Variants in RERE observed in about 807,000 individuals in gnomAD.
RERE encodes arginine-glutamic acid dipeptide repeats.
RERE carries 40 observed loss-of-function variants against 146.1 expected under a neutral mutation model. That is an observed-to-expected ratio of 0.27 (90% CI 0.21 to 0.36). The LOEUF is 0.36. Among genes scored for constraint, RERE ranks in the 10% least tolerant of loss-of-function variants. RERE has a pLI of 1.00. For synonymous variants in RERE, 1,003 were observed against 866.0 expected, an observed-to-expected ratio of 1.16 and a Z score of -2.78; for missense variants, 1,933 against 2,138.7, an observed-to-expected ratio of 0.90 and a Z score of 1.90.
rs769287721 is a variant in RERE, at chr1:8,361,204, G to A, written c.2303C>T (p.Pro768Leu). ...CTGTGGGGGAACTGCAGTGGCAGAG[G>A]GCGTGGGCCCTGGCGTGGGCAGCTG... is the stretch of plus-strand genomic sequence containing the variant. The part of the protein sequence containing the change: ...TPQLPTPGPT[P>L]SATAVPPQGS... The change falls in exon 18 of 23, where the codon CCC (proline) becomes CTC (leucine). Residue 768 changes from proline (P) to leucine (L), a missense_variant. By Grantham distance (98) the Pro-to-Leu change is moderately conservative (BLOSUM62 -3). This residue lies in a region of RERE where 1,255 missense variants were observed against 1,153.8 expected (regional missense o/e 1.09). Transcript: ENST00000400908. 116 of 1,502,388 alleles carry A rather than the reference G, an allele frequency of 7.7e-5. 2 individuals are homozygous for A. In the South Asian group the frequency reaches 1.4e-3, roughly 19 times the overall value. The allele number at this position is 1,502,388 out of a possible 1,614,324, so 93.1% of individuals were successfully genotyped here.
chr1:8,801,847 C>A (rs549537915), intron 1 of RERE, among the ~76,000 whole-genome samples: 1 of 152,284 alleles, frequency 6.6e-6, no homozygotes, highest in South Asian at 2.1e-4. Context: ...AGGATGCGAA[C>A]CAAAGAGTCT....
intron 12 of RERE, among the ~76,000 whole-genome samples, chr1:8,403,720 T>G (rs1165746114): frequency 6.6e-6 from 1 of 152,062 alleles, no homozygotes; most frequent in African/African-American, 2.4e-5. Context: ...CATCTCATTT[T>G]TTCCTCCCAT....
intron 11 of RERE, among the ~76,000 whole-genome samples, chr1:8,461,214 T>G (rs1277795039): frequency 6.9e-6 from 1 of 144,980 alleles, no homozygotes; most frequent in Non-Finnish European, 1.5e-5. Flanking sequence ...TTTGTTTGGG[T>G]TTTTTTTTTT....
intron 4 of RERE, 23 bp from the exon 5 acceptor site, chr1:8,557,546 A>G: frequency 6.6e-7 from 1 of 1,508,154 alleles, no homozygotes; most frequent in South Asian, 1.1e-5. Context: ...ATCTAACAGC[A>G]TTAGGAACAG....
At position 8,488,074 on chromosome 1, in the gene RERE, AT is replaced by A. The variant is rs1410730085; in HGVS notation, c.1104+6988del. ...GAACAACATAGCAAGACCTCTTTAA[AT>A]TTTTTTTAATCAAAAAAAAAAAAAA... On this transcript the variant is annotated intron_variant, in intron 10 of 22. Transcript: ENST00000400908. Among the ~76,000 whole-genome samples, 42 of 119,588 alleles carry A rather than the reference AT, an allele frequency of 3.5e-4. No homozygotes were observed. In the South Asian group the frequency reaches 4.6e-3, roughly 13 times the overall value. 78.5% of individuals were successfully genotyped at this position (119,588 alleles called of 152,430 possible).
intron 11 of RERE, among the ~76,000 whole-genome samples, chr1:8,441,193 T>G (rs574171975): frequency 6.6e-6 from 1 of 152,290 alleles, no homozygotes; most frequent in African/African-American, 2.4e-5. Context: ...GTGGGTTTCC[T>G]TGACTCTCCC....
At chr1:8,501,405 A>G (rs1570350159) in intron 8 of RERE, among the ~76,000 whole-genome samples, 3 of 61,708 alleles carry the variant, frequency 4.9e-5, no homozygotes, top group Admixed American at 1.4e-4. Context: ...CCGCCCGGCC[A>G]GCCGCCCCGT....
rs1451403947 is a variant in RERE at position 8,474,379 on chromosome 1, T to C, written c.1105-8356A>G. Among the ~76,000 whole-genome samples, 6 of 152,218 alleles carry C rather than the reference T, an allele frequency of 3.9e-5. No individual in the cohort carries two copies. In the East Asian group the frequency reaches 1.2e-3, roughly 29 times the overall value. Reference sequence around the variant, plus strand: ...CATGGTTATAAAGCATGTTATTTTATAGAGCAAGGATGAGGCCTTAATTTT... The same window carrying C: ...CATGGTTATAAAGCATGTTATTTTACAGAGCAAGGATGAGGCCTTAATTTT... On this transcript the variant is annotated intron_variant, in intron 10 of 22. Transcript: ENST00000400908.
At chr1:8,787,529 T>TA (rs1256870176) in intron 1 of RERE, among the ~76,000 whole-genome samples, 10 of 151,766 alleles carry the variant, frequency 6.6e-5, no homozygotes, top group South Asian at 2.1e-4. Context: ...TACACACCTT[T>TA]AAAAAAAACA....
At chr1:8,500,856 G>A (rs1031497099) in intron 8 of RERE, among the ~76,000 whole-genome samples, 3 of 146,976 alleles carry the variant, frequency 2.0e-5, no homozygotes, top group Non-Finnish European at 4.4e-5. Flanking sequence ...CCTCTGCTGG[G>A]CCGCAACCCT....
intron 1 of RERE, among the ~76,000 whole-genome samples, chr1:8,794,694 C>T (rs1297290699): frequency 6.6e-6 from 1 of 151,530 alleles, no homozygotes; most frequent in Non-Finnish European, 1.5e-5. Context: ...CCCAAAAATT[C>T]GAAACCAGCC....
At chr1:8,664,246 T>C (rs957857108) in intron 1 of RERE, among the ~76,000 whole-genome samples, 1 of 152,172 alleles carries the variant, frequency 6.6e-6, no homozygotes, top group Non-Finnish European at 1.5e-5. Flanking sequence ...GGAAGGCCTC[T>C]TTTCCTTTCA....
chr1:8,366,169 G>A (rs147944486), intron 12 of RERE, among the ~76,000 whole-genome samples, 195 bp from the exon 13 acceptor site: 87 of 152,356 alleles, frequency 5.7e-4, no homozygotes, highest in African/African-American at 1.7e-3. Context: ...TGGACTGCAT[G>A]AATGGGGCCC....
chr1:8,726,341 G>A (rs1639968149), intron 1 of RERE, among the ~76,000 whole-genome samples: 1 of 151,730 alleles, frequency 6.6e-6, no homozygotes, highest in Non-Finnish European at 1.5e-5. Context: ...TAGTAGAGAT[G>A]GGGTTTCATC....
At chr1:8,597,690 A>G (rs1646571559) in intron 4 of RERE, among the ~76,000 whole-genome samples, 1 of 152,136 alleles carries the variant, frequency 6.6e-6, no homozygotes, top group Admixed American at 6.5e-5. Flanking sequence ...GTTATATATG[A>G]ATGTGCACAC....
At chr1:8,647,669 G>GTA (rs1647388596) in intron 2 of RERE, among the ~76,000 whole-genome samples, 3 of 151,838 alleles carry the variant, frequency 2.0e-5, no homozygotes, top group African/African-American at 7.3e-5. Flanking sequence ...GTGTGTGTGT[G>GTA]TGTGTGTGTC....
intron 8 of RERE, among the ~76,000 whole-genome samples, chr1:8,500,940 C>CG (rs1312618391): frequency 2.2e-4 from 34 of 151,160 alleles, no homozygotes; most frequent in African/African-American, 8.3e-4. Context: ...CTGGCAACCG[C>CG]CCCGTCTGAG....
chr1:8,677,494 T>C (rs533061560), intron 1 of RERE, among the ~76,000 whole-genome samples: 13 of 149,186 alleles, frequency 8.7e-5, no homozygotes, highest in Non-Finnish European at 1.6e-4. Context: ...TTCCAACCCA[T>C]GCCATGCCAT....
chr1:8,567,815 G>T (rs1376016894), intron 4 of RERE, among the ~76,000 whole-genome samples: 1 of 152,146 alleles, frequency 6.6e-6, no homozygotes, highest in African/African-American at 2.4e-5. Flanking sequence ...GACCTCTGTT[G>T]TCCTTAATAT....
Sources: gnomAD v4.1 joint callset for allele counts (sites outside exome capture counted in the v4.1 genomes callset) on GRCh38, gnomAD v4.1.1 for gene constraint, gnomAD v4.1.1 regional missense constraint, MANE v1.5 for transcripts, NCBI Gene and HGNC (gene_info 2026-07-23, HGNC 2026-07-21) for gene names.